The following HORMAD2 variants were observed in gnomAD, a reference collection of about 807,000 sequenced individuals.
HORMAD2 encodes HORMA domain-containing protein 2.
A neutral mutation model predicts 38.8 loss-of-function variants in HORMAD2; 45 were observed. The observed-to-expected ratio is 1.16, with a 90% CI of 0.91 to 1.49. The LOEUF (loss-of-function observed/expected upper bound fraction) is 1.49, where lower values mean the gene tolerates loss of function less well. Ranked by LOEUF, HORMAD2 falls within the 40% of genes most tolerant of loss-of-function variation. The pLI is 0.00. For synonymous variants in HORMAD2, 126 were observed against 122.8 expected (o/e 1.03, Z -0.17); for missense variants, 338 against 367.0 (o/e 0.92, Z 0.65).
chr22:30,203,588 C>T, the HORMAD2 span, among the ~76,000 whole-genome samples: 7 of 152,146 alleles, frequency 4.6e-5, no homozygotes, highest in East Asian at 1.9e-4. Context: ...TACAACAGCA[C>T]ACATACATTC....
At chr22:30,174,310 G>A (rs1376765794) in intron 10 of HORMAD2, among the ~76,000 whole-genome samples, 1 of 152,118 alleles carries the variant, frequency 6.6e-6, no homozygotes, top group Non-Finnish European at 1.5e-5. Context: ...GGCGTCAAGT[G>A]TACAAACTCA....
rs1475036681 is a variant in HORMAD2 at position 30,121,728 on chromosome 22, G to A, written c.507G>A (p.Gln169=). The change falls in exon 9 of 11, where the codon CAG becomes CAA. Residue 169 remains glutamine (Q), a synonymous_variant. Coordinates refer to ENST00000336726, the MANE Select transcript of HORMAD2 (RefSeq NM_152510.4). ...LLIRKLYILM[Q]DLEPLPNNVV... is the part of the protein sequence containing the mutation. ...TCCGTAAATTGTATATACTGATGCA[G>A]GACCTTGAGCCACTTCCTAATAATG... 6.2e-7 allele frequency: 1 copy of A among 1,612,262 alleles called. No homozygotes were observed. Among genetic ancestry groups the A allele is most frequent in the Non-Finnish European group, 8.5e-7 (1 of 1,179,036 alleles).
intron 6 of HORMAD2, 81 bp from the exon 7 acceptor site, chr22:30,112,415 A>G (rs1253026687): frequency 4.4e-6 from 3 of 688,774 alleles, no homozygotes; most frequent in Admixed American, 3.1e-5. Context: ...CACAAATTGA[A>G]CTCTATATAA....
At chr22:30,103,082 T>C (rs1920965795) in intron 3 of HORMAD2, among the ~76,000 whole-genome samples, 1 of 152,178 alleles carries the variant, frequency 6.6e-6, no homozygotes, top group African/African-American at 2.4e-5. Context: ...ATGACTGATA[T>C]TTAGGTGTAT....
At chr22:30,128,208 CA>C (rs1923014866) in intron 10 of HORMAD2, among the ~76,000 whole-genome samples, 1 of 152,118 alleles carries the variant, frequency 6.6e-6, no homozygotes, top group South Asian at 2.1e-4. Flanking sequence ...AATTTTAAAG[CA>C]ATGTTATTAT....
At chr22:30,140,148 C>A (rs1923974857) in intron 10 of HORMAD2, among the ~76,000 whole-genome samples, 1 of 152,096 alleles carries the variant, frequency 6.6e-6, no homozygotes, top group Admixed American at 6.6e-5. Context: ...CCTGTAATCC[C>A]AGCTACTTGG....
rs2146129756 is a variant in HORMAD2, at chr22:30,121,974, T to C, written c.579T>C (p.His193=). 6.2e-7 allele frequency: 1 copy of C among 1,611,168 alleles called. No individual in the cohort carries two copies. Among genetic ancestry groups the C allele is most frequent in the East Asian group, 2.2e-5 (1 of 44,864 alleles). ...KLHYYNAVTP[H]DYQPLGFKEG... ...CTTTTCATTTCGCAGTGACCCCACA[T>C]GATTACCAACCCCTCGGTTTTAAAG... Residue 193 remains histidine, a synonymous_variant, in exon 10 of 11, where the codon CAT becomes CAC. Transcript: ENST00000336726.
chr22:30,117,818 AT>A (rs982140614), intron 7 of HORMAD2, among the ~76,000 whole-genome samples: 1 of 152,138 alleles, frequency 6.6e-6, no homozygotes, highest in Non-Finnish European at 1.5e-5. Context: ...CCAGCCAGAC[AT>A]TCATTTTATT....
the HORMAD2 span, among the ~76,000 whole-genome samples, chr22:30,198,186 A>G: frequency 1.3e-5 from 2 of 152,180 alleles, no homozygotes; most frequent in African/African-American, 4.8e-5. Flanking sequence ...TCTCAAAAAA[A>G]TAGGAAGAGT....
the HORMAD2 span, among the ~76,000 whole-genome samples, chr22:30,187,888 G>A: frequency 1.3e-5 from 2 of 152,004 alleles, no homozygotes; most frequent in East Asian, 1.9e-4. Context: ...AAGGTAGCAG[G>A]GGCAGTGGGG....
rs775754611 is a variant in HORMAD2 at position 30,103,473 on chromosome 22, G to A, written c.230G>A (p.Cys77Tyr). 3.5e-5 allele frequency: 54 copies of A among 1,537,890 alleles called. 1 individual carries two copies. The South Asian group carries it at 5.8e-4, about 17-fold the overall frequency. Residue 77 changes from cysteine (C) to tyrosine (Y), a missense_variant, in exon 4 of 11, where the codon TGT becomes TAT. By Grantham distance (194) the Cys-to-Tyr change is radical. Coordinates refer to ENST00000336726, the MANE Select transcript of HORMAD2 (RefSeq NM_152510.4). ...SLKILREDKK[C>Y]PGSLHIIRWI... ...AAAATCCTCCGAGAAGATAAAAAAT[G>A]TCCCGGGTCACTGCATATTATCAGA... is the stretch of plus-strand genomic sequence containing the variant.
intron 10 of HORMAD2, among the ~76,000 whole-genome samples, chr22:30,149,747 CA>C (rs1924636639): frequency 6.6e-6 from 1 of 152,182 alleles, no homozygotes; most frequent in Admixed American, 6.5e-5. Context: ...GAGAGGACTG[CA>C]TGGGAGATAA....
the HORMAD2 span, among the ~76,000 whole-genome samples, chr22:30,182,407 G>T: frequency 6.6e-6 from 1 of 152,196 alleles, no homozygotes. Flanking sequence ...GAGGTCCTTT[G>T]TAGCATAATT....
intron 1 of HORMAD2, among the ~76,000 whole-genome samples, chr22:30,092,842 T>C (rs2068715539): frequency 6.6e-6 from 1 of 152,164 alleles, no homozygotes; most frequent in African/African-American, 2.4e-5. Flanking sequence ...GTTCCATTGG[T>C]CTATGTATCT....
intron 10 of HORMAD2, among the ~76,000 whole-genome samples, chr22:30,161,720 T>C (rs1053429566): frequency 7.2e-5 from 11 of 152,106 alleles, no homozygotes; most frequent in African/African-American, 2.7e-4. Context: ...ACATTATTTT[T>C]TTAAATGTTC....
intron 10 of HORMAD2, 58 bp from the exon 11 acceptor site, chr22:30,176,005 T>A: frequency 9.2e-7 from 1 of 1,091,820 alleles, no homozygotes; most frequent in Non-Finnish European, 1.4e-6. Flanking sequence ...CTTATATATG[T>A]CTTGTGCAGA....
At chr22:30,098,382 G>A (rs2412971) in intron 2 of HORMAD2, among the ~76,000 whole-genome samples, 83,037 of 151,950 alleles carry the variant, frequency 0.55, 23,591 homozygotes, top group African/African-American at 0.69. Flanking sequence ...AAGTAGTGTT[G>A]TGGCACCTTG....
At chr22:30,105,335 CTGGGCTTGCTCACA>C (rs1399517276) in intron 5 of HORMAD2, 3 of 163,464 alleles carry the variant, frequency 1.8e-5, no homozygotes, top group African/African-American at 7.2e-5. Flanking sequence ...GCAGCTGGGC[CTGGGCTTGCTCACA>C]TTCTTGGTCA....
intron 1 of HORMAD2, among the ~76,000 whole-genome samples, 165 bp downstream of exon 1, chr22:30,080,656 A>G (rs1041963649): frequency 4.6e-5 from 7 of 152,138 alleles, no homozygotes; most frequent in Admixed American, 4.6e-4. Flanking sequence ...TACTGTGAAG[A>G]GAATCGGGAG....
Sources: gnomAD v4.1 joint callset for allele counts (sites outside exome capture counted in the v4.1 genomes callset) on GRCh38, gnomAD v4.1.1 for gene constraint, MANE v1.5 for transcripts, NCBI Gene and HGNC (gene_info 2026-07-23, HGNC 2026-07-21) for gene names.